The following ADGRL2 variants were observed in gnomAD, a reference collection of about 807,000 sequenced individuals.
ADGRL2 encodes the protein calcium-independent alpha-latrotoxin receptor 2.
A neutral mutation model predicts 157.4 loss-of-function variants in ADGRL2; 44 were observed. The observed-to-expected ratio is 0.28, with a 90% CI of 0.22 to 0.36. ADGRL2 has a LOEUF of 0.36. Ranked by LOEUF, ADGRL2 falls within the 10% of genes least tolerant of loss-of-function variation. The pLI is 1.00. For missense variants in ADGRL2, 1,510 were observed against 1,768.9 expected, an observed-to-expected ratio of 0.85 and a Z score of 2.63; for synonymous variants, 585 against 624.7, an observed-to-expected ratio of 0.94 and a Z score of 0.95.
intron 3 of ADGRL2, among the ~76,000 whole-genome samples, chr1:81,924,933 T>G (rs897638996): frequency 1.1e-4 from 17 of 152,126 alleles, no homozygotes; most frequent in African/African-American, 4.1e-4. Context: ...TATTTGTTAT[T>G]AAGCACATAC....
intron 3 of ADGRL2, among the ~76,000 whole-genome samples, chr1:81,691,880 G>GTGTGTATATATATATATATATA (rs1553140755): frequency 8.3e-6 from 1 of 119,880 alleles, no homozygotes; most frequent in African/African-American, 3.0e-5. Context: ...GTGTGTGTGT[G>GTGTGTATATATATATATATATA]TATATATATA....
At chr1:81,722,446 G>A in intron 1 of ADGRL2, 1 of 1,332,704 alleles carries the variant, frequency 7.5e-7, no homozygotes, top group Non-Finnish European at 1.1e-6. Flanking sequence ...TGGCCGTTTT[G>A]TATGCCAAGA....
At chr1:81,812,341 A>C (rs1234276543) in intron 1 of ADGRL2, among the ~76,000 whole-genome samples, 2 of 151,742 alleles carry the variant, frequency 1.3e-5, no homozygotes, top group African/African-American at 4.8e-5. Flanking sequence ...AAAGTAAGGC[A>C]TTTTGAGATG....
intron 11 of ADGRL2, among the ~76,000 whole-genome samples, chr1:81,960,425 C>G (rs1417309656): frequency 6.6e-6 from 1 of 152,022 alleles, no homozygotes; most frequent in Admixed American, 6.6e-5. Flanking sequence ...TAGATGTTAT[C>G]AGCCTGATCC....
chr1:81,530,151 C>G (rs1176271255), intron 2 of ADGRL2, among the ~76,000 whole-genome samples: 1 of 152,028 alleles, frequency 6.6e-6, no homozygotes, highest in Non-Finnish European at 1.5e-5. Context: ...GGCCTAGCAC[C>G]TGGTAGTGAC....
intron 2 of ADGRL2, among the ~76,000 whole-genome samples, chr1:81,843,105 C>G (rs1232151399): frequency 1.3e-5 from 2 of 151,950 alleles, no homozygotes; most frequent in Non-Finnish European, 2.9e-5. Flanking sequence ...AAATTAACAC[C>G]CAGCTAAAGC....
chr1:81,890,546 A>G (rs2151415359), intron 2 of ADGRL2, among the ~76,000 whole-genome samples: 1 of 152,220 alleles, frequency 6.6e-6, no homozygotes, highest in East Asian at 1.9e-4. Context: ...AGAATTTGGA[A>G]CAAACAGCAA....
chr1:81,721,078 C>CCTGGACTG (rs1434895531), intron 1 of ADGRL2, among the ~76,000 whole-genome samples: 63 of 146,452 alleles, frequency 4.3e-4, no homozygotes, highest in African/African-American at 1.5e-3. Flanking sequence ...TGCTATGTTG[C>CCTGGACTG]CTGGACTGGT....
intron 1 of ADGRL2, among the ~76,000 whole-genome samples, chr1:81,432,376 G>T (rs1186873602): frequency 4.6e-5 from 7 of 152,146 alleles, no homozygotes; most frequent in African/African-American, 7.2e-5. Flanking sequence ...TCTTGGAGTT[G>T]GATGTTGTCA....
At chr1:81,409,587 T>A (rs1480559126) in intron 1 of ADGRL2, among the ~76,000 whole-genome samples, 1 of 152,146 alleles carries the variant, frequency 6.6e-6, no homozygotes, top group East Asian at 1.9e-4. Context: ...TGTACCAAGG[T>A]GTGCTACTGT....
At chr1:81,863,449 C>T (rs935858147) in intron 2 of ADGRL2, among the ~76,000 whole-genome samples, 1 of 152,112 alleles carries the variant, frequency 6.6e-6, no homozygotes, top group East Asian at 1.9e-4. Flanking sequence ...GAAAAAAACT[C>T]TCTAAAATTA....
intron 2 of ADGRL2, among the ~76,000 whole-genome samples, chr1:81,526,754 C>T (rs926173030): frequency 6.6e-6 from 1 of 152,008 alleles, no homozygotes; most frequent in Non-Finnish European, 1.5e-5. Flanking sequence ...TCAGTAATGC[C>T]CAGAGGAAAG....
At chr1:81,412,238 G>C (rs546898053) in intron 1 of ADGRL2, among the ~76,000 whole-genome samples, 159 of 152,250 alleles carry the variant, frequency 1.0e-3, no homozygotes, top group African/African-American at 3.3e-3. Context: ...TGGTTCCAAA[G>C]GCAGTGCATG....
chr1:81,567,175 A>G (rs2080581485), intron 2 of ADGRL2, among the ~76,000 whole-genome samples: 1 of 152,146 alleles, frequency 6.6e-6, no homozygotes, highest in African/African-American at 2.4e-5. Flanking sequence ...TTCTTTTTGA[A>G]GATCTAGTCA....
intron 2 of ADGRL2, among the ~76,000 whole-genome samples, chr1:81,783,422 G>A (rs1034573946): frequency 6.6e-6 from 1 of 151,854 alleles, no homozygotes; most frequent in East Asian, 1.9e-4. Flanking sequence ...GAGCCACTAT[G>A]CCTGGCCTCT....
chr1:81,670,484 A>G (rs770609628), intron 3 of ADGRL2, among the ~76,000 whole-genome samples: 2 of 152,142 alleles, frequency 1.3e-5, no homozygotes, highest in Non-Finnish European at 1.5e-5. Context: ...CACGAAGCCT[A>G]GAAGTCTGAG....
In ADGRL2 at chr1:81,462,058, T is replaced by C. The variant is rs1018772896; in HGVS notation, c.-248+16969T>C. On this transcript the variant is annotated intron_variant, in intron 2 of 24. Transcript: ENST00000370721. Reference sequence around the variant, plus strand: ...GAACTTTTCTGTCTAGCTAGAGGATTGTAAATACAACAATCAGTGCTCTGT... The same window carrying C: ...GAACTTTTCTGTCTAGCTAGAGGATCGTAAATACAACAATCAGTGCTCTGT... Among the ~76,000 whole-genome samples the C allele has an allele frequency of 2.0e-5, 3 of 151,944 alleles. No individual in the cohort carries two copies. In the East Asian group the frequency reaches 5.8e-4, roughly 29 times the overall value.
intron 22 of ADGRL2, 136 bp downstream of exon 22, chr1:81,987,165 G>A: frequency 2.3e-6 from 3 of 1,319,654 alleles, no homozygotes; most frequent in Middle Eastern, 1.9e-4. Context: ...AAAAATTACG[G>A]TATTGTCTAT....
At chr1:81,784,556 T>C (rs2086948731) in intron 2 of ADGRL2, among the ~76,000 whole-genome samples, 2 of 151,998 alleles carry the variant, frequency 1.3e-5, no homozygotes, top group South Asian at 2.1e-4. Context: ...GGTGAAACCC[T>C]ATCTTTACTA....
Sources: allele counts gnomAD v4.1 joint callset (sites outside exome capture counted in the v4.1 genomes callset), GRCh38; gene constraint gnomAD v4.1.1; transcripts MANE v1.5; gene names NCBI Gene and HGNC (gene_info 2026-07-23, HGNC 2026-07-21).